ERCC6L2: variants seen among roughly 807,000 people sequenced by gnomAD.
The protein encoded by ERCC6L2 is DNA excision repair protein ERCC-6-like 2.
ERCC6L2 carries 77 observed loss-of-function variants against 132.0 expected under a neutral mutation model. The observed-to-expected ratio is 0.58, with a 90% CI of 0.49 to 0.71. The LOEUF is 0.71. ERCC6L2 is among the 30% of genes least tolerant of loss of function. ERCC6L2 has a pLI of 0.00. For synonymous variants in ERCC6L2, 583 were observed against 632.4 expected, an observed-to-expected ratio of 0.92 and a Z score of 1.17; for missense variants, 1,542 against 1,837.6, an observed-to-expected ratio of 0.84 and a Z score of 2.94.
intron 7 of ERCC6L2, among the ~76,000 whole-genome samples, chr9:95,921,967 A>T (rs111431915): frequency 0.018 from 2,721 of 152,220 alleles, 87 homozygotes; most frequent in African/African-American, 0.061. Context: ...CATAAATGAG[A>T]AGGGGTCTGC....
At chr9:95,890,468 T>C (rs1257286773) in intron 2 of ERCC6L2, among the ~76,000 whole-genome samples, 1 of 152,200 alleles carries the variant, frequency 6.6e-6, no homozygotes, top group Non-Finnish European at 1.5e-5. Flanking sequence ...CCAAAGTCTT[T>C]GTGATAAGTC....
At chr9:95,906,129 A>G (rs899813988) in intron 3 of ERCC6L2, among the ~76,000 whole-genome samples, 4 of 152,300 alleles carry the variant, frequency 2.6e-5, no homozygotes, top group African/African-American at 9.6e-5. Context: ...AGGCATTATT[A>G]GGGCACAAGT....
At chr9:96,026,432 G>C (rs1034844187) in intron 19 of ERCC6L2, among the ~76,000 whole-genome samples, 2 of 152,128 alleles carry the variant, frequency 1.3e-5, no homozygotes, top group Non-Finnish European at 2.9e-5. Context: ...CCGCAGTGGG[G>C]CGGGGGTGGG....
At chr9:95,947,045 A>G (rs1247383583) in intron 12 of ERCC6L2, among the ~76,000 whole-genome samples, 1 of 152,168 alleles carries the variant, frequency 6.6e-6, no homozygotes. Context: ...GTGGCCTTTA[A>G]GTGGTCAAGT....
At chr9:95,926,964 A>G (rs1260471968) in intron 9 of ERCC6L2, among the ~76,000 whole-genome samples, 1 of 151,722 alleles carries the variant, frequency 6.6e-6, no homozygotes, top group African/African-American at 2.4e-5. Context: ...AGTTCTGTAA[A>G]ACAGAAAAAA....
chr9:95,899,778 A>G (rs1828674135), intron 3 of ERCC6L2, among the ~76,000 whole-genome samples: 1 of 152,118 alleles, frequency 6.6e-6, no homozygotes, highest in Non-Finnish European at 1.5e-5. Context: ...GTGTATTTGC[A>G]TATAACCTGT....
Position 95,972,980 on chromosome 9 carries a change from A to G in ERCC6L2, c.3229A>G (p.Ser1077Gly), listed in dbSNP as rs763898006. 7.5e-7 allele frequency: 1 copy of G among 1,342,266 alleles called. No individual in the cohort carries two copies. The highest frequency in any genetic ancestry group is 9.9e-7 in the Non-Finnish European group (1 of 1,008,596). 83.1% of individuals were successfully genotyped at this position (1,342,266 alleles called of 1,614,324 possible). The change falls in exon 16 of 19, where the codon AGC (serine) becomes GGC (glycine). Residue 1077 changes from serine (S) to glycine (G), a missense_variant. Coordinates refer to ENST00000653738, the MANE Select transcript of ERCC6L2 (RefSeq NM_020207.7). ...AACTAGTTTTTCTTCAAAATTGCCT[A>G]GCCATAATAAGAAAAATAGCACTTT... is the stretch of plus-strand genomic sequence containing the variant. ...DRTSFSSKLP[S>G]HNKKNSTFIP...
chr9:95,881,231 C>T lies in ERCC6L2; in HGVS notation c.409C>T (p.His137Tyr), dbSNP rs1427744857. 1.3e-6 allele frequency: 2 copies of T among 1,595,728 alleles called. No individual in the cohort carries two copies. The highest frequency in any genetic ancestry group is 1.7e-6 in the Non-Finnish European group (2 of 1,175,438). ...AGAAGGAACCCGGTTTCTTTATGGA[C>T]ACTACATCCATGGAGGAGGGTGCAT... The part of the protein sequence containing the change: ...QREGTRFLYG[H>Y]YIHGGGCILG... Residue 137 changes from histidine to tyrosine, a missense_variant, in exon 2 of 19, where the codon CAC (histidine) becomes TAC (tyrosine). Physicochemically the swap from His to Tyr is moderately conservative, Grantham distance 83 (BLOSUM62 2). Transcript: ENST00000653738.
chr9:96,000,983 G>A (rs1271832786), intron 17 of ERCC6L2, among the ~76,000 whole-genome samples: 2 of 152,054 alleles, frequency 1.3e-5, no homozygotes, highest in Non-Finnish European at 2.9e-5. Context: ...AGATGTGTTC[G>A]GAGTTTCTTC....
At chr9:95,906,822 G>T in intron 3 of ERCC6L2, 1 of 515,802 alleles carries the variant, frequency 1.9e-6, no homozygotes, top group Non-Finnish European at 3.6e-6. Flanking sequence ...TTTTTGGTAG[G>T]GGGAAATAAA....
intron 2 of ERCC6L2, among the ~76,000 whole-genome samples, chr9:95,890,731 A>C (rs931227890): frequency 6.6e-6 from 1 of 152,096 alleles, no homozygotes; most frequent in Admixed American, 6.5e-5. Context: ...GCAGTGGTGC[A>C]GTGTTGGCTC....
chr9:95,914,885 TA>T (rs5899274), intron 4 of ERCC6L2, among the ~76,000 whole-genome samples: 18,350 of 152,110 alleles, frequency 0.12, 1,239 homozygotes, highest in African/African-American at 0.16. Flanking sequence ...TCCCATTTTT[TA>T]AAAGTTTGAG....
chr9:95,904,100 ATTATG>A (rs138021667), intron 3 of ERCC6L2, among the ~76,000 whole-genome samples: 4,580 of 152,078 alleles, frequency 0.03, 88 homozygotes, highest in East Asian at 0.13. Context: ...GTGTAAATTA[ATTATG>A]TTAGGTATTT....
At chr9:96,021,612 G>C (rs919601708), downstream of ERCC6L2, 1 of 156,822 alleles carries the variant, frequency 6.4e-6, no homozygotes, top group Non-Finnish European at 1.4e-5. The surrounding 1 kb of genome is among the most constrained non-coding windows in gnomAD (Gnocchi z 4.7). Context: ...GCCAGTGGGC[G>C]GGTGGCGTGG....
At position 95,937,795 on chromosome 9, in the gene ERCC6L2, C is replaced by T. The variant is rs62562980; in HGVS notation, c.1752-3659C>T. ...TCACTGATTTTTCTCTGTTATTTTT[C>T]TGTGTTCAGTTTTATTGATTCTGCT... On this transcript the variant is annotated intron_variant, in intron 11 of 18. Coordinates refer to ENST00000653738, the MANE Select transcript of ERCC6L2 (RefSeq NM_020207.7). Among the ~76,000 whole-genome samples, 4 of 151,144 alleles carry T rather than the reference C, an allele frequency of 2.6e-5. No individual in the cohort carries two copies. The South Asian group carries it at 6.3e-4, about 24-fold the overall frequency.
chr9:95,940,740 G>A (rs778174858), intron 11 of ERCC6L2, among the ~76,000 whole-genome samples: 2 of 152,002 alleles, frequency 1.3e-5, no homozygotes, highest in Non-Finnish European at 2.9e-5. Context: ...TGTGTGTTGT[G>A]CTGTTCTAGG....
At chr9:95,963,888 A>G (rs763047202) in intron 13 of ERCC6L2, among the ~76,000 whole-genome samples, 3 of 152,242 alleles carry the variant, frequency 2.0e-5, no homozygotes, top group Middle Eastern at 3.4e-3. Flanking sequence ...CATCAGTCAG[A>G]AGGCACATGG....
chr9:95,964,245 A>T (rs1832048013), intron 13 of ERCC6L2, among the ~76,000 whole-genome samples: 1 of 152,196 alleles, frequency 6.6e-6, no homozygotes, highest in Non-Finnish European at 1.5e-5. Flanking sequence ...TTTTAGTAAT[A>T]GATTACAACA....
intron 1 of ERCC6L2, among the ~76,000 whole-genome samples, chr9:95,880,602 T>C (rs950789577): frequency 6.6e-6 from 1 of 152,194 alleles, no homozygotes; most frequent in Non-Finnish European, 1.5e-5. Flanking sequence ...TCTAAGAATG[T>C]ATATTTTTAA....
Sources: gnomAD v4.1 joint callset for allele counts (sites outside exome capture counted in the v4.1 genomes callset) on GRCh38, gnomAD v4.1.1 for gene constraint, Gnocchi (gnomAD v3.1) non-coding constraint, MANE v1.5 for transcripts, NCBI Gene and HGNC (gene_info 2026-07-23, HGNC 2026-07-21) for gene names.